The following CFAP47 variants were observed in gnomAD, a reference collection of about 807,000 sequenced individuals.
The protein encoded by CFAP47 is cilia and flagella associated protein 47.
Under a neutral mutation model 148.1 loss-of-function variants are expected in CFAP47, and 29 were observed. The ratio of observed to expected loss-of-function variants is 0.20; its 90% CI spans 0.15 to 0.27. The LOEUF (loss-of-function observed/expected upper bound fraction) is 0.27, where lower values mean the gene tolerates loss of function less well. Ranked by LOEUF, CFAP47 falls within the 10% of genes least tolerant of loss-of-function variation. The probability of loss-of-function intolerance (pLI) is 1.00; values close to 1 mark genes in which losing one functional copy is unlikely to be tolerated. For synonymous variants in CFAP47, 664 were observed against 577.3 expected, an observed-to-expected ratio of 1.15 and a Z score of -2.15; for missense variants, 1,872 against 1,697.5, an observed-to-expected ratio of 1.10 and a Z score of -1.81.
At chrX:36,341,991 T>C (rs1318668785) in intron 57 of CFAP47, among the ~76,000 whole-genome samples, 1 of 110,447 alleles carries the variant, frequency 9.1e-6, no homozygotes, top group Non-Finnish European at 1.9e-5. Flanking sequence ...TGTATGGAAA[T>C]GGATAAAAAA....
At chrX:36,315,963 G>T (rs1467372186) in intron 56 of CFAP47, among the ~76,000 whole-genome samples, 5 of 111,490 alleles carry the variant, frequency 4.5e-5, no homozygotes, top group African/African-American at 1.6e-4. Flanking sequence ...TCTGAAATTG[G>T]CGTTATATCT....
At chrX:35,939,250 A>G (rs1253760889) in intron 2 of CFAP47, among the ~76,000 whole-genome samples, 1 of 110,734 alleles carries the variant, frequency 9.0e-6, no homozygotes. Flanking sequence ...CTTCTTTTCT[A>G]GAGATTCCTT....
intron 22 of CFAP47, among the ~76,000 whole-genome samples, chrX:36,022,435 A>T (rs1937170692): frequency 9.1e-6 from 1 of 110,374 alleles, no homozygotes; most frequent in African/African-American, 3.3e-5. Flanking sequence ...TGGAATTTTG[A>T]TTATTAAATC....
chrX:36,272,001 T>A (rs1940964939), intron 49 of CFAP47, among the ~76,000 whole-genome samples: 1 of 111,835 alleles, frequency 8.9e-6, no homozygotes, highest in African/African-American at 3.2e-5. Flanking sequence ...GACCTACAGT[T>A]ACTGGCAAAA....
At chrX:36,203,665 C>G (rs1555988401) in intron 44 of CFAP47, among the ~76,000 whole-genome samples, 1 of 111,991 alleles carries the variant, frequency 8.9e-6, no homozygotes, top group Admixed American at 9.5e-5. Context: ...ATGATATGAG[C>G]CTTGTCGTTG....
chrX:36,135,560 T>C (rs148568941), intron 33 of CFAP47, among the ~76,000 whole-genome samples: 30 of 111,818 alleles, frequency 2.7e-4, no homozygotes, highest in African/African-American at 9.7e-4. Context: ...AGACTACATA[T>C]TGATATTGTT....
intron 57 of CFAP47, among the ~76,000 whole-genome samples, chrX:36,331,332 A>G (rs1941563817): frequency 9.0e-6 from 1 of 110,794 alleles, no homozygotes; most frequent in African/African-American, 3.3e-5. Flanking sequence ...TCATAACTCT[A>G]AATTTTGGCT....
intron 60 of CFAP47, among the ~76,000 whole-genome samples, chrX:36,357,490 G>A (rs1321187381): frequency 8.9e-6 from 1 of 111,987 alleles, no homozygotes; most frequent in African/African-American, 3.2e-5. Context: ...AATCCAGCAA[G>A]CATCTTTTCT....
intron 57 of CFAP47, among the ~76,000 whole-genome samples, chrX:36,323,675 T>C (rs1178866664): frequency 9.0e-6 from 1 of 111,671 alleles, no homozygotes; most frequent in Admixed American, 9.5e-5. Context: ...ACAAAAATTT[T>C]AGTCTCTGTA....
At chrX:36,158,994 G>A (rs905361274) in intron 37 of CFAP47, among the ~76,000 whole-genome samples, 1 of 111,669 alleles carries the variant, frequency 9.0e-6, no homozygotes, top group African/African-American at 3.3e-5. Context: ...ATTATTATCT[G>A]CCATTATTTG....
intron 26 of CFAP47, among the ~76,000 whole-genome samples, chrX:36,053,458 A>G (rs1322890390): frequency 9.0e-6 from 1 of 111,661 alleles, no homozygotes; most frequent in Non-Finnish European, 1.9e-5. Context: ...TGGGGGGATG[A>G]GTTATGCATA....
chrX:36,348,787 G>A (rs1941719337), intron 58 of CFAP47, among the ~76,000 whole-genome samples: 1 of 111,568 alleles, frequency 9.0e-6, no homozygotes, highest in Non-Finnish European at 1.9e-5. Context: ...CAAGTTACTT[G>A]TATCTTTCTT....
intron 49 of CFAP47, among the ~76,000 whole-genome samples, chrX:36,267,652 G>T (rs1355931207): frequency 9.1e-6 from 1 of 110,274 alleles, no homozygotes; most frequent in Non-Finnish European, 1.9e-5. Flanking sequence ...CTAATTTTTT[G>T]TATTTTTGGT....
At chrX:36,371,788 G>A (rs1186193841) in intron 62 of CFAP47, among the ~76,000 whole-genome samples, 3 of 50,165 alleles carry the variant, frequency 6.0e-5, no homozygotes, top group Non-Finnish European at 9.0e-5. Flanking sequence ...GTGTATATAT[G>A]TGTGTATATA....
At chrX:36,302,025 A>G (rs1941303144) in intron 53 of CFAP47, among the ~76,000 whole-genome samples, 1 of 108,101 alleles carries the variant, frequency 9.3e-6, no homozygotes, top group South Asian at 4.1e-4. Context: ...GACATTTGAA[A>G]TTTTTTTCTT....
chrX:36,231,408 CTGTT>C (rs1377655795), intron 46 of CFAP47, among the ~76,000 whole-genome samples: 2 of 104,052 alleles, frequency 1.9e-5, no homozygotes, highest in African/African-American at 3.6e-5. Flanking sequence ...ATTTGGCTCT[CTGTT>C]TGTCTGTTAT....
rs376261139 is a variant in CFAP47, at chrX:36,190,047, C to T, written c.6176-4C>T. ...GTCAACAAGCTCTGTTTATGTTTTG[C>T]TAGCAATTAAGTCCACTTTTATCAG... On this transcript the variant is annotated splice_polypyrimidine_tract_variant and splice_region_variant and intron_variant, in intron 41 of 63. Transcript: ENST00000378653. 3.4e-5 allele frequency: 10 copies of T among 296,271 alleles called. No individual in the cohort carries two copies. The highest frequency in any genetic ancestry group is 2.7e-4 in the African/African-American group (10 of 36,678). The allele number at this position is 296,271 out of a possible 1,213,427, so 24.4% of individuals were successfully genotyped here.
chrX:36,214,094 G>C (rs1940132535), intron 45 of CFAP47, among the ~76,000 whole-genome samples: 1 of 111,232 alleles, frequency 9.0e-6, no homozygotes, highest in Non-Finnish European at 1.9e-5. Flanking sequence ...CAACCTAGAT[G>C]GTATAGCCTA....
At chrX:36,276,950 T>G (rs1348798967) in intron 49 of CFAP47, among the ~76,000 whole-genome samples, 1 of 111,136 alleles carries the variant, frequency 9.0e-6, no homozygotes, top group Non-Finnish European at 1.9e-5. Context: ...AAGCCTGGAA[T>G]TTTGAGGGAG....
Sources: gnomAD v4.1 joint callset for allele counts (sites outside exome capture counted in the v4.1 genomes callset) on GRCh38, gnomAD v4.1.1 for gene constraint, MANE v1.5 for transcripts, NCBI Gene and HGNC (gene_info 2026-07-23, HGNC 2026-07-21) for gene names.